The following SH3BP5 variants were observed in gnomAD, a reference collection of about 807,000 sequenced individuals.
SH3BP5 encodes SH3 domain binding protein 5.
In SH3BP5, 22 loss-of-function variants were observed where a neutral mutation model predicts 43.3. That is an observed-to-expected ratio of 0.51 (90% CI 0.36 to 0.73). The LOEUF (loss-of-function observed/expected upper bound fraction) is 0.73, where lower values mean the gene tolerates loss of function less well. Ranked by LOEUF, SH3BP5 falls within the 30% of genes least tolerant of loss-of-function variation. The probability of loss-of-function intolerance (pLI) is 0.00; values close to 1 mark genes in which losing one functional copy is unlikely to be tolerated. For missense variants in SH3BP5, 529 were observed against 586.9 expected, an observed-to-expected ratio of 0.90 and a Z score of 1.02; for synonymous variants, 255 against 225.8, an observed-to-expected ratio of 1.13 and a Z score of -1.16.
At chr3:15,285,383 C>T (rs1697235855) in intron 3 of SH3BP5, among the ~76,000 whole-genome samples, 1 of 152,202 alleles carries the variant, frequency 6.6e-6, no homozygotes, top group Admixed American at 6.5e-5. Flanking sequence ...AGATCTAACT[C>T]ATTCCCCGCT....
intron 3 of SH3BP5, among the ~76,000 whole-genome samples, chr3:15,302,127 A>C (rs1013937902): frequency 3.0e-4 from 46 of 152,224 alleles, no homozygotes; most frequent in African/African-American, 1.1e-3. Context: ...AACCCTCCAT[A>C]CTTCCGTTTC....
In SH3BP5 at chr3:15,254,875, C is replaced by G. The variant is rs1182578606; in HGVS notation, c.*1211G>C. 6.6e-6 allele frequency: 1 copy of G among 152,128 alleles called. No individual in the cohort carries two copies. Among genetic ancestry groups the G allele is most frequent in the African/African-American group, 2.4e-5 (1 of 41,420 alleles). The allele number at this position is 152,128 out of a possible 1,614,324, so 9.4% of individuals were successfully genotyped here. On this transcript the variant is annotated 3_prime_UTR_variant, in exon 9 of 9. Transcript: ENST00000383791. ...AACTTTTCTCAAGCCGTTTTTATTA[C>G]ACTTAGTGTATTAAGACAAGTACAA...
intron 2 of SH3BP5, among the ~76,000 whole-genome samples, chr3:15,305,350 T>G (rs1223870484): frequency 8.6e-4 from 131 of 152,290 alleles, no homozygotes; most frequent in Non-Finnish European, 5.9e-5. Flanking sequence ...ATGCTGTCAA[T>G]GTTAAACACT....
At chr3:15,290,370 C>CA (rs932552446) in intron 3 of SH3BP5, among the ~76,000 whole-genome samples, 13 of 151,794 alleles carry the variant, frequency 8.6e-5, no homozygotes, top group Non-Finnish European at 1.8e-4. Flanking sequence ...ACTAAAAATA[C>CA]AAAAAATTAG....
rs555694856 is a variant in SH3BP5, at chr3:15,306,353, C to T, written c.202-2122G>A. ...CAGCCTGGGAGACAGAGCGAGACTC[C>T]GTCTCAAACAAACAAACAAAAAACT... On this transcript the variant is annotated intron_variant, in intron 2 of 8. Coordinates refer to ENST00000383791, the MANE Select transcript of SH3BP5 (RefSeq NM_004844.5). Among the ~76,000 whole-genome samples the T allele has an allele frequency of 3.9e-3, 589 of 151,938 alleles. 7 individuals are homozygous for T. The highest frequency in any genetic ancestry group is 0.014 in the African/African-American group (569 of 41,464).
At chr3:15,318,827 C>T (rs1472544536) in intron 2 of SH3BP5, among the ~76,000 whole-genome samples, 1 of 152,188 alleles carries the variant, frequency 6.6e-6, no homozygotes, top group Admixed American at 6.5e-5. Context: ...TGGCCTCGGC[C>T]TCCCAAACTA....
intron 2 of SH3BP5, among the ~76,000 whole-genome samples, chr3:15,305,780 T>A (rs1379018978): frequency 6.6e-6 from 1 of 152,054 alleles, no homozygotes; most frequent in African/African-American, 2.4e-5. Flanking sequence ...TGGCCATCCA[T>A]CCTGGCGACA....
At chr3:15,288,192 A>G (rs1013522336) in intron 3 of SH3BP5, among the ~76,000 whole-genome samples, 1 of 152,180 alleles carries the variant, frequency 6.6e-6, no homozygotes, top group African/African-American at 2.4e-5. Context: ...TTGGATGAGG[A>G]CCACCCACAC....
chr3:15,340,982 G>A (rs1036481116), intron 1 of SH3BP5, among the ~76,000 whole-genome samples: 2 of 152,138 alleles, frequency 1.3e-5, no homozygotes, highest in Admixed American at 6.5e-5. Context: ...AACCCGGGAG[G>A]CGGAGGTTGT....
intron 3 of SH3BP5, among the ~76,000 whole-genome samples, chr3:15,300,752 T>C (rs985152769): frequency 5.9e-5 from 9 of 152,122 alleles, no homozygotes; most frequent in Non-Finnish European, 1.2e-4. Context: ...GGGTAGGAGT[T>C]AGATTAGGAA....
chr3:15,305,544 CA>C (rs1697879476), intron 2 of SH3BP5, among the ~76,000 whole-genome samples: 2 of 152,258 alleles, frequency 1.3e-5, no homozygotes, highest in Non-Finnish European at 2.9e-5. Context: ...AGAATGGCGC[CA>C]GACCATGTAT....
At chr3:15,259,501 T>C (rs2125043359) in intron 6 of SH3BP5, 2 of 582,334 alleles carry the variant, frequency 3.4e-6, no homozygotes, top group Non-Finnish European at 3.1e-6. Flanking sequence ...CAGGTGATGC[T>C]GATGCTGCTG....
At chr3:15,256,442 T>C in intron 8 of SH3BP5, 139 bp from the exon 9 acceptor site, 1 of 870,630 alleles carries the variant, frequency 1.1e-6, no homozygotes, top group Non-Finnish European at 1.8e-6. Context: ...CTCAGCCCTG[T>C]AGAAGTCCCA....
Position 15,332,534 on chromosome 3 carries a change from C to T in SH3BP5, c.-126G>A. On this transcript the variant is annotated 5_prime_UTR_variant, in exon 1 of 9. It adds an upstream start codon to the 5' untranslated region. Coordinates refer to ENST00000383791, the MANE Select transcript of SH3BP5 (RefSeq NM_004844.5). The stretch of plus-strand genomic sequence containing the variant: ...GGTCGGGGAGCCGCCGGGGCCGACA[C>T]CCGGGAGACGCAGCTCGCCGATGCG... 1 of 1,245,200 alleles carries T rather than the reference C, an allele frequency of 8.0e-7. No homozygotes were observed. Among genetic ancestry groups the T allele is most frequent in the Non-Finnish European group, 1.0e-6 (1 of 997,448 alleles). 77.1% of individuals were successfully genotyped at this position (1,245,200 alleles called of 1,614,324 possible).
chr3:15,260,606 T>G (rs1696398668), intron 5 of SH3BP5: 1 of 151,946 alleles, frequency 6.6e-6, no homozygotes, highest in African/African-American at 2.4e-5. Context: ...TCCTGAAATT[T>G]GGGGGGAGAG....
At chr3:15,312,205 T>C (rs1698076669) in intron 2 of SH3BP5, among the ~76,000 whole-genome samples, 1 of 152,160 alleles carries the variant, frequency 6.6e-6, no homozygotes, top group African/African-American at 2.4e-5. Context: ...TGACATGAAA[T>C]GCAGAAGTAG....
At chr3:15,296,723 TCA>T (rs1252129979) in intron 3 of SH3BP5, among the ~76,000 whole-genome samples, 1 of 124,226 alleles carries the variant, frequency 8.0e-6, no homozygotes, top group Non-Finnish European at 1.6e-5. Context: ...AGACAGGGTC[TCA>T]CTCTTTCACC....
chr3:15,333,255 G>T (rs1323443683), upstream of SH3BP5: 2 of 985,472 alleles, frequency 2.0e-6, no homozygotes, highest in Non-Finnish European at 2.4e-6. Context: ...CACAGCATCC[G>T]AAAAGGCCAA....
chr3:15,295,005 C>T (rs1697528855), intron 3 of SH3BP5, among the ~76,000 whole-genome samples: 1 of 152,140 alleles, frequency 6.6e-6, no homozygotes, highest in South Asian at 2.1e-4. Flanking sequence ...CACCCTTCCT[C>T]TTGTGCTTCG....
Sources: allele counts gnomAD v4.1 joint callset (sites outside exome capture counted in the v4.1 genomes callset), GRCh38; gene constraint gnomAD v4.1.1; transcripts MANE v1.5; gene names NCBI Gene and HGNC (gene_info 2026-07-23, HGNC 2026-07-21).